The following ENSA variants were observed in gnomAD, a reference collection of about 807,000 sequenced individuals.
The protein encoded by ENSA is endosulfine alpha, also known as alpha-endosulfine.
A neutral mutation model predicts 16.8 loss-of-function variants in ENSA; 7 were observed. That is an observed-to-expected ratio of 0.42 (90% confidence interval 0.24 to 0.78). ENSA has a LOEUF of 0.78. Ranked by LOEUF, ENSA falls within the 30% of genes least tolerant of loss-of-function variation. The probability of loss-of-function intolerance (pLI) is 0.29; values close to 1 mark genes in which losing one functional copy is unlikely to be tolerated. For missense variants in ENSA, 87 were observed against 142.3 expected (o/e 0.61, Z 1.98); for synonymous variants, 58 against 53.4 (o/e 1.09, Z -0.37).
intron 3 of ENSA, chr1:150,624,666 G>A (rs1649179566): frequency 3.0e-6 from 3 of 985,324 alleles, no homozygotes; most frequent in African/African-American, 1.7e-5. Flanking sequence ...CTCTCCTCAT[G>A]TATCCCTCAA....
Position 150,627,560 on chromosome 1 carries a change from C to A in ENSA, c.90G>T (p.Glu30Asp). 1 of 1,613,544 alleles carries A rather than the reference C, an allele frequency of 6.2e-7. No individual in the cohort carries two copies. The highest frequency in any genetic ancestry group is 8.5e-7 in the Non-Finnish European group (1 of 1,179,866). ...DTQEKEGILPERAEEAKLKAK... is the reference protein window; with the variant it reads ...DTQEKEGILPDRAEEAKLKAK... Reference sequence around the variant, plus strand: ...CCTTTAGCTTTGCCTCTTCAGCTCTCTCAGGCAGAATACCTTCTTTCTCCT... The same window carrying A: ...CCTTTAGCTTTGCCTCTTCAGCTCTATCAGGCAGAATACCTTCTTTCTCCT... The change falls in exon 2 of 4, where the codon GAG (glutamate) becomes GAT (aspartate). Residue 30 changes from glutamate (E) to aspartate (D), a missense_variant. Transcript: ENST00000369014.
At chr1:150,629,120 C>A in intron 1 of ENSA, 1 of 1,614,206 alleles carries the variant, frequency 6.2e-7, no homozygotes, top group Non-Finnish European at 8.5e-7. Context: ...TTTCCATTCA[C>A]CGTCTTTCCA....
In ENSA at chr1:150,629,497, G is replaced by A. The variant is rs1487822139; in HGVS notation, c.-27C>T. The A allele has an allele frequency of 6.2e-7, 1 of 1,608,052 alleles. No homozygotes were observed. Among genetic ancestry groups the A allele is most frequent in the African/African-American group, 1.3e-5 (1 of 74,758 alleles). ...GCGGGACCGGGACTGTGGAGTGTAA[G>A]GGGCCCGGGAAGGCAACCGGAGAAG... On this transcript the variant is annotated 5_prime_UTR_variant, in exon 1 of 4. Transcript: ENST00000369014.
At chr1:150,623,223 G>C in intron 3 of ENSA, 11 of 1,068,372 alleles carry the variant, frequency 1.0e-5, no homozygotes, top group Non-Finnish European at 1.2e-5. Flanking sequence ...CAAAGACTGA[G>C]GTAGCACAGA....
chr1:150,622,955 T>C, intron 3 of ENSA, 96 bp from the exon 4 acceptor site: 1 of 1,427,584 alleles, frequency 7.0e-7, no homozygotes, highest in Non-Finnish European at 9.5e-7. Flanking sequence ...ACCCCATGAT[T>C]CCTCCACATT....
chr1:150,626,074 C>A (rs966153910), intron 2 of ENSA, among the ~76,000 whole-genome samples: 2 of 152,202 alleles, frequency 1.3e-5, no homozygotes, highest in African/African-American at 4.8e-5. Context: ...CCCCTGCCAT[C>A]CTTTGTACTC....
intron 3 of ENSA, chr1:150,625,339 GA>G (rs1649224905): frequency 9.3e-7 from 1 of 1,075,234 alleles, no homozygotes; most frequent in Non-Finnish European, 1.1e-6. Context: ...CCCAAAAGGA[GA>G]AATCACATCT....
intron 1 of ENSA, chr1:150,628,974 A>G: frequency 1.4e-6 from 2 of 1,428,196 alleles, no homozygotes; most frequent in Non-Finnish European, 2.0e-6. Flanking sequence ...CTCCCCCAAT[A>G]CTGGTTTTTT....
At chr1:150,626,544 G>A (rs748318830) in intron 2 of ENSA, 38 of 1,610,234 alleles carry the variant, frequency 2.4e-5, no homozygotes, top group Non-Finnish European at 3.1e-5. Flanking sequence ...CATTGCAGAG[G>A]AGAGTAAGGA....
chr1:150,623,433 T>G, intron 3 of ENSA: 6 of 985,876 alleles, frequency 6.1e-6, no homozygotes, highest in Non-Finnish European at 7.2e-6. Context: ...GCCTTGAAGA[T>G]GACCAGGTAG....
At chr1:150,623,880 A>G (rs1210158369) in intron 3 of ENSA, 1 of 985,476 alleles carries the variant, frequency 1.0e-6, no homozygotes. Context: ...CTCCTATCCA[A>G]TTTGAATGAC....
intron 3 of ENSA, chr1:150,624,062 T>C (rs1225694134): frequency 2.5e-5 from 25 of 985,328 alleles, no homozygotes; most frequent in Non-Finnish European, 2.8e-5. Flanking sequence ...TGAGCATTAG[T>C]TCTCACCCTG....
chr1:150,627,165 T>G, intron 2 of ENSA: 1 of 1,479,988 alleles, frequency 6.8e-7, no homozygotes, highest in Non-Finnish European at 8.9e-7. Context: ...ACCTCCAACA[T>G]TCAAACAGGC....
intron 2 of ENSA, 62 bp downstream of exon 2, chr1:150,627,405 G>A: frequency 6.2e-7 from 1 of 1,614,212 alleles, no homozygotes; most frequent in South Asian, 1.1e-5. Context: ...AACCTCTACA[G>A]ACTTCATTCG....
chr1:150,622,927 A>T, intron 3 of ENSA, 68 bp from the exon 4 acceptor site: 1 of 1,521,852 alleles, frequency 6.6e-7, no homozygotes, highest in Admixed American at 2.1e-5. Context: ...AAAAACCCTG[A>T]ACTCCAACCC....
chr1:150,623,574 A>T, intron 3 of ENSA: 1 of 985,714 alleles, frequency 1.0e-6, no homozygotes, highest in Non-Finnish European at 1.2e-6. Flanking sequence ...TCAGACAGAA[A>T]AGAAAAAAAG....
rs587604903 is a variant in ENSA at position 150,623,575 on chromosome 1, A to G, written c.351-716T>C. The G allele has an allele frequency of 2.4e-5, 24 of 985,730 alleles. 1 individual carries two copies. The South Asian group carries it at 1.1e-3, about 44-fold the overall frequency. 61.1% of individuals were successfully genotyped at this position (985,730 alleles called of 1,614,324 possible). The stretch of plus-strand genomic sequence containing the variant: ...ATAGAGAAGGCAGCTCAGACAGAAA[A>G]GAAAAAAAGTACAGAATTTGAGAAG... On this transcript the variant is annotated intron_variant, in intron 3 of 3. Coordinates refer to ENST00000369014, the MANE Select transcript of ENSA (RefSeq NM_004436.4).
intron 1 of ENSA, chr1:150,628,959 C>G (rs1649542409): frequency 7.9e-7 from 1 of 1,258,398 alleles, no homozygotes; most frequent in Non-Finnish European, 1.2e-6. Flanking sequence ...AACTACACTT[C>G]TCCCCTCCCC....
intron 1 of ENSA, 91 bp downstream of exon 1, chr1:150,629,323 G>A (rs1005125264): frequency 3.2e-6 from 5 of 1,553,764 alleles, no homozygotes; most frequent in Non-Finnish European, 4.4e-6. Context: ...CGGAGCCTGA[G>A]ACCATGGCGA....
Sources: gnomAD v4.1 joint callset for allele counts (sites outside exome capture counted in the v4.1 genomes callset) on GRCh38, gnomAD v4.1.1 for gene constraint, MANE v1.5 for transcripts, NCBI Gene and HGNC (gene_info 2026-07-23, HGNC 2026-07-21) for gene names.